Variants in RBFOX1 observed in about 807,000 individuals in gnomAD.
RBFOX1 encodes the protein RNA binding fox-1 homolog 1, also known as RNA binding protein fox-1 homolog 1.
In RBFOX1, 8 loss-of-function variants were observed where a neutral mutation model predicts 57.7. The observed-to-expected ratio is 0.14, with a 90% CI of 0.08 to 0.25. The LOEUF (loss-of-function observed/expected upper bound fraction) is 0.25. Among genes scored for constraint, RBFOX1 ranks in the 10% least tolerant of loss-of-function variants. The pLI is 1.00. For synonymous variants in RBFOX1, 326 were observed against 222.4 expected (o/e 1.47, Z -4.15); for missense variants, 611 against 548.5 (o/e 1.11, Z -1.14).
chr16:7,543,959 C>T lies in RBFOX1; in HGVS notation c.270+25570C>T, dbSNP rs376871418. Among the ~76,000 whole-genome samples, 6 of 152,224 alleles carry T rather than the reference C, an allele frequency of 3.9e-5. No individual in the cohort carries two copies. The East Asian group carries it at 9.7e-4, about 25-fold the overall frequency. On this transcript the variant is annotated intron_variant, in intron 5 of 15. Coordinates refer to ENST00000550418, the MANE Select transcript of RBFOX1 (RefSeq NM_018723.4). ...TGGTCTCGATCTCCTAACTTCATGACCCACCTGCCTTGGTTTCCCAAAGTG... is the reference window on the plus strand; with the variant it reads ...TGGTCTCGATCTCCTAACTTCATGATCCACCTGCCTTGGTTTCCCAAAGTG...
At chr16:6,049,002 A>G (rs1369126893) in intron 1 of RBFOX1, among the ~76,000 whole-genome samples, 1 of 140,382 alleles carries the variant, frequency 7.1e-6, no homozygotes, top group East Asian at 2.4e-4. Context: ...CATCATTTTG[A>G]TGATCATCCT....
At chr16:7,234,608 G>GTA (rs1315291730) in intron 4 of RBFOX1, among the ~76,000 whole-genome samples, 36 of 149,476 alleles carry the variant, frequency 2.4e-4, no homozygotes, top group South Asian at 8.4e-4. Context: ...GTGTGTGTGT[G>GTA]TATATATATG....
intron 3 of RBFOX1, among the ~76,000 whole-genome samples, chr16:5,676,772 G>C (rs139407166): frequency 5.3e-5 from 8 of 152,038 alleles, no homozygotes; most frequent in Non-Finnish European, 1.2e-4. Flanking sequence ...TAAAGCACGA[G>C]AATCCCTTGA....
rs908498135 is a variant in RBFOX1 at position 6,137,639 on chromosome 16, G to A, written c.-127+117647G>A. On this transcript the variant is annotated intron_variant, in intron 1 of 15. Coordinates refer to ENST00000550418, the MANE Select transcript of RBFOX1 (RefSeq NM_018723.4). ...TTTTTTTTTTTTTTTTTTTTGACAG[G>A]GTCTGACTCTGTTGCCCAGACTAGA... Among the ~76,000 whole-genome samples the A allele has an allele frequency of 2.2e-5, 3 of 135,390 alleles. No individual in the cohort carries two copies. In the Admixed American group the frequency reaches 2.3e-4, roughly 11 times the overall value. The allele number at this position is 135,390 out of a possible 152,430, so 88.8% of individuals were successfully genotyped here. A position where few individuals can be genotyped will look rare whatever the true frequency, so the allele number is the denominator to read the frequency against.
chr16:5,704,295 C>T lies in RBFOX1; in HGVS notation c.318+105334C>T, dbSNP rs917737857. On this transcript the variant is annotated intron_variant, in intron 3 of 19. Coordinates refer to the RBFOX1 transcript ENST00000641259. Reference sequence around the variant, plus strand: ...CCCCAGCCAAACTCCTCTGGAGGAACTCTGGAGCCTAATCCATCACTAGAA... The same window carrying T: ...CCCCAGCCAAACTCCTCTGGAGGAATTCTGGAGCCTAATCCATCACTAGAA... Among the ~76,000 whole-genome samples the T allele has an allele frequency of 1.4e-4, 21 of 152,080 alleles. 1 individual carries two copies. Among genetic ancestry groups the T allele is most frequent in the Admixed American group, 1.4e-3 (21 of 15,262 alleles).
intron 2 of RBFOX1, among the ~76,000 whole-genome samples, chr16:5,522,051 G>GA (rs1226504689): frequency 1.3e-5 from 2 of 152,202 alleles, no homozygotes; most frequent in Admixed American, 1.3e-4. Context: ...TGGGGTTCTG[G>GA]AAATGTTTCT....
chr16:5,733,537 C>T (rs1227323495), intron 3 of RBFOX1, among the ~76,000 whole-genome samples: 1 of 152,110 alleles, frequency 6.6e-6, no homozygotes. Flanking sequence ...GTGACCTTGG[C>T]CAGGTCAGCT....
At chr16:6,135,015 G>A (rs1375503405) in intron 1 of RBFOX1, among the ~76,000 whole-genome samples, 1 of 152,000 alleles carries the variant, frequency 6.6e-6, no homozygotes, top group African/African-American at 2.4e-5. Context: ...CCCACTACAG[G>A]CCCCGGTGTA....
intron 1 of RBFOX1, among the ~76,000 whole-genome samples, chr16:6,068,730 G>A (rs1029567539): frequency 6.6e-6 from 1 of 152,156 alleles, no homozygotes; most frequent in African/African-American, 2.4e-5. Context: ...CGTCTTTAGA[G>A]GAATGCACAC....
chr16:6,638,049 T>G (rs1436653600), intron 2 of RBFOX1, among the ~76,000 whole-genome samples: 1 of 152,070 alleles, frequency 6.6e-6, no homozygotes, highest in South Asian at 2.1e-4. Flanking sequence ...CCTTTAGGGG[T>G]AGACTAAACT....
chr16:7,220,925 T>A (rs4786982), intron 4 of RBFOX1, among the ~76,000 whole-genome samples: 19,755 of 152,038 alleles, frequency 0.13, 1,863 homozygotes, highest in African/African-American at 0.26. Flanking sequence ...TTCTTAGGAA[T>A]TCTAAATGCA....
chr16:6,030,585 A>C (rs1444079639), intron 1 of RBFOX1, among the ~76,000 whole-genome samples: 1 of 152,222 alleles, frequency 6.6e-6, no homozygotes, highest in African/African-American at 2.4e-5. Flanking sequence ...ATATTGAATA[A>C]GAAAGCAATA....
intron 3 of RBFOX1, among the ~76,000 whole-genome samples, chr16:6,965,540 T>C (rs772273854): frequency 1.1e-4 from 17 of 152,174 alleles, no homozygotes; most frequent in Non-Finnish European, 2.9e-5. Context: ...TTTCACCATG[T>C]TGGCCAGGCT....
At chr16:6,142,809 T>C (rs1463234792) in intron 1 of RBFOX1, among the ~76,000 whole-genome samples, 1 of 152,212 alleles carries the variant, frequency 6.6e-6, no homozygotes, top group Non-Finnish European at 1.5e-5. Flanking sequence ...GATCTCCTCC[T>C]GTCCATCTCC....
intron 4 of RBFOX1, among the ~76,000 whole-genome samples, chr16:7,478,091 T>C (rs1407330060): frequency 6.6e-6 from 1 of 152,216 alleles, no homozygotes; most frequent in Non-Finnish European, 1.5e-5. Context: ...TGCAACCCGA[T>C]GATTAAGGAG....
chr16:5,949,876 C>G (rs780574157), intron 4 of RBFOX1, among the ~76,000 whole-genome samples: 1 of 152,152 alleles, frequency 6.6e-6, no homozygotes, highest in Non-Finnish European at 1.5e-5. Flanking sequence ...GAGACAAGCT[C>G]AAGCTAGAGA....
chr16:7,531,716 C>A (rs979147858), intron 5 of RBFOX1, among the ~76,000 whole-genome samples: 1 of 152,132 alleles, frequency 6.6e-6, no homozygotes, highest in Non-Finnish European at 1.5e-5. Flanking sequence ...CTGGCAGATT[C>A]CAAAACCCAT....
chr16:6,732,996 T>C (rs923152191), intron 3 of RBFOX1, among the ~76,000 whole-genome samples: 7 of 152,250 alleles, frequency 4.6e-5, no homozygotes, highest in Non-Finnish European at 8.8e-5. Flanking sequence ...AATTTCTTTA[T>C]TGGCATTTTT....
intron 2 of RBFOX1, among the ~76,000 whole-genome samples, chr16:5,550,340 C>T (rs1301493463): frequency 6.6e-6 from 1 of 152,100 alleles, no homozygotes; most frequent in African/African-American, 2.4e-5. Flanking sequence ...TCTTACCCAC[C>T]ACTGTTGCTA....
Sources: allele counts gnomAD v4.1 joint callset (sites outside exome capture counted in the v4.1 genomes callset), GRCh38; gene constraint gnomAD v4.1.1; transcripts MANE v1.5; gene names NCBI Gene and HGNC (gene_info 2026-07-23, HGNC 2026-07-21).